CYLC2: variants seen among roughly 807,000 people sequenced by gnomAD.
CYLC2 encodes the protein cylicin-2.
Under a neutral mutation model 26.1 loss-of-function variants are expected in CYLC2, and 30 were observed. The observed-to-expected ratio is 1.15, with a 90% CI of 0.86 to 1.56. The LOEUF (loss-of-function observed/expected upper bound fraction) is 1.56, where lower values mean the gene tolerates loss of function less well. CYLC2 is among the 40% of genes most tolerant of loss of function. The probability of loss-of-function intolerance (pLI) is 0.00; values close to 1 mark genes in which losing one functional copy is unlikely to be tolerated. For missense variants in CYLC2, 498 were observed against 394.4 expected (o/e 1.26, Z -2.23); for synonymous variants, 158 against 132.8 (o/e 1.19, Z -1.31).
chr9:103,014,389 TA>T (rs1232211367), intron 6 of CYLC2, among the ~76,000 whole-genome samples: 3 of 127,480 alleles, frequency 2.4e-5, no homozygotes, highest in East Asian at 2.5e-4. Context: ...TATTACGTAA[TA>T]TAACATAATG....
rs140754596 is a variant in CYLC2 at position 103,005,536 on chromosome 9, A to C, written c.905A>C (p.Lys302Thr). The change falls in exon 5 of 8, where the codon AAA becomes ACA. Residue 302 changes from lysine (K) to threonine (T), a missense_variant. Lys to Thr is a moderately conservative substitution (Grantham distance 78, BLOSUM62 -1). Coordinates refer to ENST00000374798, the MANE Select transcript of CYLC2 (RefSeq NM_001340.5). ...AAGGACGCCACGAAAGATGCCAAGA[A>C]AGTTGCCAAGAAAGATACTGAGAAA... ...SKKDATKDAK[K>T]VAKKDTEKES... 1.9e-5 allele frequency: 30 copies of C among 1,609,942 alleles called. 1 individual carries two copies. In the Middle Eastern group the frequency reaches 6.6e-4, roughly 35 times the overall value.
intron 7 of CYLC2, among the ~76,000 whole-genome samples, chr9:103,017,832 C>A (rs868201247): frequency 1.3e-5 from 2 of 152,066 alleles, no homozygotes; most frequent in African/African-American, 4.8e-5. Flanking sequence ...TCTCAAGCCT[C>A]TCTCCTTGGC....
chr9:103,018,081 G>A (rs1278180088), intron 7 of CYLC2, among the ~76,000 whole-genome samples: 1 of 152,006 alleles, frequency 6.6e-6, no homozygotes, highest in South Asian at 2.1e-4. Flanking sequence ...AGGTATATGA[G>A]ATCAGTTTTT....
At chr9:102,998,482 G>C (rs2118222325) in intron 1 of CYLC2, among the ~76,000 whole-genome samples, 1 of 152,006 alleles carries the variant, frequency 6.6e-6, no homozygotes, top group East Asian at 1.9e-4. Context: ...GTACCAGAGA[G>C]GAAAGGAAAG....
rs1829347796 is a variant in CYLC2 at position 103,006,176 on chromosome 9, A to C, written c.*498A>C. ...GATACAAAAAAATATAGGAGCCATG[A>C]AATGAAGTTAAACACCTTGTAGAAA... On this transcript the variant is annotated 3_prime_UTR_variant, in exon 5 of 8. Coordinates refer to ENST00000374798, the MANE Select transcript of CYLC2 (RefSeq NM_001340.5). The C allele has an allele frequency of 6.6e-6, 1 of 152,226 alleles. No individual in the cohort carries two copies. The highest frequency in any genetic ancestry group is 2.4e-5 in the African/African-American group (1 of 41,402). The allele number at this position is 152,226 out of a possible 1,614,324, so 9.4% of individuals were successfully genotyped here. A position where few individuals can be genotyped will look rare whatever the true frequency, so the allele number is the denominator to read the frequency against.
intron 7 of CYLC2, among the ~76,000 whole-genome samples, chr9:103,018,068 C>G (rs1020242750): frequency 1.3e-5 from 2 of 151,932 alleles, no homozygotes; most frequent in African/African-American, 4.8e-5. Context: ...TATCCCACAA[C>G]GAAGGTATAT....
chr9:103,016,946 C>G lies in CYLC2; in HGVS notation c.*875C>G, dbSNP rs1002702075. On this transcript the variant is annotated 3_prime_UTR_variant, in exon 7 of 8. Transcript: ENST00000374798. ...AAGTTATCACAAGTGGAAAGGTTACCCTAGAAACAAAAGATGTAAGTAAAC... is the reference window on the plus strand; with the variant it reads ...AAGTTATCACAAGTGGAAAGGTTACGCTAGAAACAAAAGATGTAAGTAAAC... 20 of 151,782 alleles carry G rather than the reference C, an allele frequency of 1.3e-4. No individual in the cohort carries two copies. The highest frequency in any genetic ancestry group is 2.4e-4 in the Non-Finnish European group (16 of 67,912). The allele number at this position is 151,782 out of a possible 1,614,324, so 9.4% of individuals were successfully genotyped here. A position where few individuals can be genotyped will look rare whatever the true frequency, so the allele number is the denominator to read the frequency against.
chr9:102,996,168 C>G (rs149978983), intron 1 of CYLC2, among the ~76,000 whole-genome samples: 1 of 151,796 alleles, frequency 6.6e-6, no homozygotes, highest in Non-Finnish European at 1.5e-5. Context: ...TCCATAGATA[C>G]TGGTGCCCAT....
intron 7 of CYLC2, among the ~76,000 whole-genome samples, chr9:103,017,413 GCTCT>G (rs934757262): frequency 6.6e-6 from 1 of 151,814 alleles, no homozygotes; most frequent in Non-Finnish European, 1.5e-5. Context: ...TTCATAAAGG[GCTCT>G]CTAACTTCTA....
In CYLC2 at chr9:103,005,198, CAA is replaced by C; in HGVS notation, c.572_573del (p.Lys191ArgfsTer2). ...DEKGGAKKDN[K>X]KDKKDSNKGK... ...AAAAAGGAGGTGCAAAGAAAGATAACAAAAAAGATAAAAAGGATTCAAACAAA... is the reference window on the plus strand; with the variant it reads ...AAAAAGGAGGTGCAAAGAAAGATAACAAAAGATAAAAAGGATTCAAACAAA... On this transcript the variant is annotated frameshift_variant, in exon 5 of 8. Coordinates refer to ENST00000374798, the MANE Select transcript of CYLC2 (RefSeq NM_001340.5). LOFTEE classifies it high-confidence loss of function. The C allele has an allele frequency of 6.2e-7, 1 of 1,606,054 alleles. No individual in the cohort carries two copies. Among genetic ancestry groups the C allele is most frequent in the Non-Finnish European group, 8.5e-7 (1 of 1,177,864 alleles).
chr9:103,003,002 C>T, intron 2 of CYLC2, 140 bp from the exon 3 acceptor site: 1 of 995,310 alleles, frequency 1.0e-6, no homozygotes, highest in South Asian at 1.9e-5. Flanking sequence ...CAGAAAATTG[C>T]AAACATTACC....
At chr9:103,007,282 T>C (rs1022038990) in intron 5 of CYLC2, among the ~76,000 whole-genome samples, 5 of 152,106 alleles carry the variant, frequency 3.3e-5, no homozygotes, top group African/African-American at 1.2e-4. Context: ...TAGCTTATGA[T>C]AGATGATATT....
At chr9:103,002,194 TCTCATTGGC>T (rs1431891232) in intron 2 of CYLC2, among the ~76,000 whole-genome samples, 1 of 151,938 alleles carries the variant, frequency 6.6e-6, no homozygotes, top group Admixed American at 6.6e-5. Flanking sequence ...AGATGAAATC[TCTCATTGGC>T]CTCATTGGCA....
chr9:103,016,343 T>C (rs151227621), intron 6 of CYLC2, among the ~76,000 whole-genome samples: 4 of 152,096 alleles, frequency 2.6e-5, no homozygotes, highest in Admixed American at 1.3e-4. Flanking sequence ...TTCAGCACAA[T>C]GCTCCAGGAA....
At chr9:103,013,219 T>C (rs968332521) in intron 6 of CYLC2, among the ~76,000 whole-genome samples, 3 of 61,726 alleles carry the variant, frequency 4.9e-5, no homozygotes, top group Non-Finnish European at 9.3e-5. Flanking sequence ...TATATTAATA[T>C]GTATATTATA....
At chr9:103,002,829 A>G (rs1421027738) in intron 2 of CYLC2, among the ~76,000 whole-genome samples, 2 of 152,162 alleles carry the variant, frequency 1.3e-5, no homozygotes, top group African/African-American at 4.8e-5. Context: ...AAAAGCATAA[A>G]GCAAAAACCT....
At chr9:103,013,440 C>G (rs1358202126) in intron 6 of CYLC2, among the ~76,000 whole-genome samples, 2 of 75,258 alleles carry the variant, frequency 2.7e-5, no homozygotes, top group Non-Finnish European at 4.4e-5. Flanking sequence ...ATACATAATA[C>G]AGAAATATAT....
intron 6 of CYLC2, among the ~76,000 whole-genome samples, chr9:103,015,492 T>C (rs1242599520): frequency 2.9e-5 from 4 of 138,936 alleles, no homozygotes; most frequent in African/African-American, 1.1e-4. Flanking sequence ...TATGTAATTA[T>C]ATAACATATA....
At chr9:103,010,993 G>C (rs1829401080) in intron 5 of CYLC2, among the ~76,000 whole-genome samples, 1 of 152,046 alleles carries the variant, frequency 6.6e-6, no homozygotes, top group Admixed American at 6.6e-5. Context: ...ACTAGTGTAT[G>C]CCTAAGAATA....
Sources: gnomAD v4.1 joint callset for allele counts (sites outside exome capture counted in the v4.1 genomes callset) on GRCh38, gnomAD v4.1.1 for gene constraint, MANE v1.5 for transcripts, NCBI Gene and HGNC (gene_info 2026-07-23, HGNC 2026-07-21) for gene names.